Variants in CDH12 observed in about 807,000 individuals in gnomAD.
CDH12 encodes the protein cadherin 12.
Under a neutral mutation model 74.1 loss-of-function variants are expected in CDH12, and 41 were observed. The ratio of observed to expected loss-of-function variants is 0.55; its 90% CI spans 0.43 to 0.72. The LOEUF is 0.72. Ranked by LOEUF, CDH12 falls within the 30% of genes least tolerant of loss-of-function variation. CDH12 has a pLI of 0.00. For missense variants in CDH12, 945 were observed against 977.2 expected (o/e 0.97, Z 0.44); for synonymous variants, 399 against 355.0 (o/e 1.12, Z -1.39).
chr5:22,332,692 G>A (rs1252319340), intron 3 of CDH12, among the ~76,000 whole-genome samples: 4 of 152,074 alleles, frequency 2.6e-5, no homozygotes, highest in Non-Finnish European at 5.9e-5. Context: ...AGACATTTAT[G>A]CAGCCAAAAA....
chr5:22,608,075 G>A (rs1737208695), intron 1 of CDH12, among the ~76,000 whole-genome samples: 1 of 152,180 alleles, frequency 6.6e-6, no homozygotes, highest in African/African-American at 2.4e-5. Context: ...GCTATGAGAA[G>A]TGAGCCACCA....
At chr5:21,985,281 A>G (rs939627663) in intron 5 of CDH12, among the ~76,000 whole-genome samples, 2 of 152,168 alleles carry the variant, frequency 1.3e-5, no homozygotes, top group African/African-American at 4.8e-5. Context: ...CTGTTTTACT[A>G]TCGCTCTTCT....
chr5:22,587,044 C>T (rs962456350), intron 1 of CDH12, among the ~76,000 whole-genome samples: 33 of 151,874 alleles, frequency 2.2e-4, no homozygotes, highest in African/African-American at 3.6e-4. Flanking sequence ...CCATGTTGAC[C>T]AGGCTGGTCT....
At chr5:21,935,582 T>G (rs1423939348) in intron 6 of CDH12, among the ~76,000 whole-genome samples, 1 of 152,218 alleles carries the variant, frequency 6.6e-6, no homozygotes, top group Non-Finnish European at 1.5e-5. Flanking sequence ...AGTTATCCTT[T>G]GTGTTACAAA....
At chr5:22,178,326 G>T (rs568097731) in intron 4 of CDH12, among the ~76,000 whole-genome samples, 1 of 152,128 alleles carries the variant, frequency 6.6e-6, no homozygotes, top group Admixed American at 6.6e-5. Flanking sequence ...CCTTCCTTGG[G>T]TTGTTGTGAT....
intron 4 of CDH12, among the ~76,000 whole-genome samples, chr5:22,171,448 C>T (rs1327954293): frequency 6.6e-6 from 1 of 151,886 alleles, no homozygotes; most frequent in Non-Finnish European, 1.5e-5. Flanking sequence ...GAGTGTAATA[C>T]ATATTGACTT....
chr5:22,378,239 T>G (rs778216189), intron 3 of CDH12, among the ~76,000 whole-genome samples: 6 of 152,146 alleles, frequency 3.9e-5, no homozygotes, highest in Non-Finnish European at 8.8e-5. Context: ...GTTAATGTAT[T>G]AGAATGCAAT....
chr5:22,399,726 G>A (rs3112474), intron 3 of CDH12, among the ~76,000 whole-genome samples: 128,317 of 152,092 alleles, frequency 0.84, 54,200 homozygotes, highest in African/African-American at 0.87. Context: ...TGTGTTTCCC[G>A]CTCCTCCTTT....
chr5:21,804,646 ACAC>A (rs1561199464), intron 9 of CDH12, among the ~76,000 whole-genome samples: 5,212 of 91,340 alleles, frequency 0.057, 208 homozygotes, highest in Non-Finnish European at 0.082. Flanking sequence ...GAATTAAAAC[ACAC>A]ACACACACAC....
chr5:21,787,398 T>G (rs1344238032), intron 10 of CDH12, among the ~76,000 whole-genome samples: 2 of 128,016 alleles, frequency 1.6e-5, no homozygotes, highest in African/African-American at 5.4e-5. Flanking sequence ...TCAGGTGATC[T>G]TCAATGTTTT....
At chr5:22,675,243 G>C (rs547671236) in intron 1 of CDH12, among the ~76,000 whole-genome samples, 1 of 152,248 alleles carries the variant, frequency 6.6e-6, no homozygotes, top group South Asian at 2.1e-4. Context: ...CTTCCCAGCT[G>C]TTCCAGCCAT....
At chr5:22,478,719 G>A (rs1746272733) in intron 2 of CDH12, among the ~76,000 whole-genome samples, 1 of 151,560 alleles carries the variant, frequency 6.6e-6, no homozygotes, top group South Asian at 2.1e-4. Flanking sequence ...ATCATTTGTT[G>A]TTAATTATGG....
intron 6 of CDH12, among the ~76,000 whole-genome samples, chr5:21,963,860 A>G (rs1304167982): frequency 6.6e-6 from 1 of 152,108 alleles, no homozygotes; most frequent in East Asian, 1.9e-4. Flanking sequence ...TCCACTACAC[A>G]TATTACTGCA....
chr5:21,928,478 G>A (rs763805455), intron 6 of CDH12, among the ~76,000 whole-genome samples: 34 of 152,310 alleles, frequency 2.2e-4, no homozygotes, highest in Non-Finnish European at 3.2e-4. Flanking sequence ...CAACATTCAA[G>A]ATTTTGCTTA....
chr5:22,791,436 C>T (rs1439666532), intron 1 of CDH12, among the ~76,000 whole-genome samples: 5 of 152,142 alleles, frequency 3.3e-5, no homozygotes, highest in Admixed American at 3.3e-4. Flanking sequence ...ATAACACTGC[C>T]ACCTGATAAT....
intron 5 of CDH12, among the ~76,000 whole-genome samples, chr5:22,045,128 A>G (rs1032830090): frequency 6.6e-6 from 1 of 152,230 alleles, no homozygotes; most frequent in Non-Finnish European, 1.5e-5. Flanking sequence ...CAAAATTGGT[A>G]AATGGTCTGA....
At chr5:22,066,230 C>T (rs4314367) in intron 5 of CDH12, among the ~76,000 whole-genome samples, 55,710 of 151,798 alleles carry the variant, frequency 0.37, 12,867 homozygotes, top group African/African-American at 0.66. Flanking sequence ...AGTTCTTTAG[C>T]GGTGATTTGT....
At chr5:21,849,328 G>A (rs1191194449) in intron 7 of CDH12, among the ~76,000 whole-genome samples, 1 of 151,724 alleles carries the variant, frequency 6.6e-6, no homozygotes, top group Non-Finnish European at 1.5e-5. Flanking sequence ...TTCATCTCAT[G>A]ATTTCTAAAA....
intron 9 of CDH12, among the ~76,000 whole-genome samples, chr5:21,806,688 C>T (rs995743788): frequency 6.6e-6 from 1 of 152,132 alleles, no homozygotes; most frequent in Non-Finnish European, 1.5e-5. Context: ...TTTCAGCAAA[C>T]CTTTTGTGGC....
Sources: allele counts gnomAD v4.1 joint callset (sites outside exome capture counted in the v4.1 genomes callset), GRCh38; gene constraint gnomAD v4.1.1; transcripts MANE v1.5; gene names NCBI Gene and HGNC (gene_info 2026-07-23, HGNC 2026-07-21).